MARCHF1: variants seen among roughly 807,000 people sequenced by gnomAD.
The protein encoded by MARCHF1 is membrane associated ring-CH-type finger 1.
Under a neutral mutation model 54.2 loss-of-function variants are expected in MARCHF1, and 40 were observed. The observed-to-expected ratio is 0.74, with a 90% CI of 0.57 to 0.96. The LOEUF (loss-of-function observed/expected upper bound fraction) is 0.96, where lower values mean the gene tolerates loss of function less well. Ranked by LOEUF, MARCHF1 falls within the 40% of genes least tolerant of loss-of-function variation. The pLI is 0.00. For synonymous variants in MARCHF1, 236 were observed against 236.3 expected (o/e 1.00, Z 0.01); for missense variants, 586 against 656.5 (o/e 0.89, Z 1.17).
intron 1 of MARCHF1, among the ~76,000 whole-genome samples, chr4:164,136,326 GTTTCAC>G (rs1388497748): frequency 6.7e-6 from 1 of 148,818 alleles, no homozygotes; most frequent in Non-Finnish European, 1.5e-5. Flanking sequence ...AAGAAAAACA[GTTTCAC>G]TTTACTTGCA....
intron 7 of MARCHF1, among the ~76,000 whole-genome samples, chr4:163,601,633 A>G (rs1013926651): frequency 2.6e-5 from 4 of 152,082 alleles, no homozygotes; most frequent in Non-Finnish European, 5.9e-5. Context: ...ATATAGCACA[A>G]TATAGCCTCA....
At chr4:163,795,937 A>G (rs1399610556) in intron 4 of MARCHF1, among the ~76,000 whole-genome samples, 2 of 152,220 alleles carry the variant, frequency 1.3e-5, no homozygotes, top group African/African-American at 4.8e-5. Flanking sequence ...AAGCTAGAGA[A>G]AATAAAATGT....
At chr4:163,816,407 A>G (rs1353215) in intron 4 of MARCHF1, among the ~76,000 whole-genome samples, 139,494 of 151,292 alleles carry the variant, frequency 0.92, 65,138 homozygotes, top group South Asian at 1. Flanking sequence ...ATAGTATTCA[A>G]GTTCAACTAA....
intron 4 of MARCHF1, among the ~76,000 whole-genome samples, chr4:163,772,864 G>T (rs1747200145): frequency 6.6e-6 from 1 of 152,082 alleles, no homozygotes. Flanking sequence ...TCTGCCTGCT[G>T]CACATTGCCA....
chr4:164,325,158 A>G (rs1053928928), intron 1 of MARCHF1, among the ~76,000 whole-genome samples: 20 of 151,792 alleles, frequency 1.3e-4, no homozygotes, highest in African/African-American at 4.6e-4. Context: ...TGTGCATACT[A>G]TATGTATAGG....
intron 3 of MARCHF1, among the ~76,000 whole-genome samples, chr4:163,906,970 A>G (rs1416736518): frequency 1.3e-5 from 2 of 152,108 alleles, no homozygotes; most frequent in Admixed American, 6.6e-5. Context: ...ATATATTACC[A>G]TTAATTGTGT....
At chr4:164,338,152 T>C (rs776619775) in intron 1 of MARCHF1, among the ~76,000 whole-genome samples, 7 of 152,200 alleles carry the variant, frequency 4.6e-5, no homozygotes, top group Non-Finnish European at 8.8e-5. Flanking sequence ...TGCAGTTTCA[T>C]ATGCAATTAA....
intron 4 of MARCHF1, among the ~76,000 whole-genome samples, chr4:163,784,586 G>A (rs1747563150): frequency 6.6e-6 from 1 of 151,978 alleles, no homozygotes; most frequent in Non-Finnish European, 1.5e-5. Flanking sequence ...TTTAGCAGTA[G>A]ATCTGTTTCT....
At position 164,073,454 on chromosome 4, in the gene MARCHF1, T is replaced by C. The variant is rs186775065; in HGVS notation, c.-248+38134A>G. On this transcript the variant is annotated intron_variant, in intron 2 of 9. Coordinates refer to ENST00000514618, the MANE Select transcript of MARCHF1 (RefSeq NM_001394959.1). Reference sequence around the variant, plus strand: ...AAGTGAGAGGTGAACAAAGAGAACATATGGACACACGGAGGGGAACATCAC... The same window carrying C: ...AAGTGAGAGGTGAACAAAGAGAACACATGGACACACGGAGGGGAACATCAC... 5.2e-3 allele frequency among the ~76,000 whole-genome samples: 791 copies of C among 151,826 alleles called. 6 individuals carry two copies. The highest frequency in any genetic ancestry group is 0.018 in the African/African-American group (753 of 41,348).
At chr4:164,377,208 AC>A (rs377425495) in intron 1 of MARCHF1, among the ~76,000 whole-genome samples, 91 of 152,212 alleles carry the variant, frequency 6.0e-4, no homozygotes, top group Middle Eastern at 3.4e-3. Context: ...GGCAGACTTA[AC>A]AAAAATTCTA....
At chr4:163,533,523 G>A (rs1579036614) in intron 9 of MARCHF1, among the ~76,000 whole-genome samples, 1 of 151,704 alleles carries the variant, frequency 6.6e-6, no homozygotes, top group African/African-American at 2.4e-5. Context: ...AAGAATATTG[G>A]CTCCTCAGTG....
chr4:163,879,804 CGTGT>C (rs60539215), intron 3 of MARCHF1, among the ~76,000 whole-genome samples: 58 of 148,492 alleles, frequency 3.9e-4, no homozygotes, highest in African/African-American at 1.2e-3. Context: ...GATTTAGAGG[CGTGT>C]GTGTGTGTGT....
In MARCHF1 at chr4:163,640,410, A is replaced by C. The variant is rs1402428890; in HGVS notation, c.163-27017T>G. Among the ~76,000 whole-genome samples, 3 of 152,258 alleles carry C rather than the reference A, an allele frequency of 2.0e-5. No individual in the cohort carries two copies. The East Asian group carries it at 5.8e-4, about 29-fold the overall frequency. On this transcript the variant is annotated intron_variant, in intron 5 of 9. Coordinates refer to ENST00000514618, the MANE Select transcript of MARCHF1 (RefSeq NM_001394959.1). ...TCTTATGCATAGTGAAGATTCTATC[A>C]AAAATGTGAGGTGGCAAACAATGAT...
intron 4 of MARCHF1, among the ~76,000 whole-genome samples, chr4:163,755,388 A>G (rs2110798851): frequency 6.6e-6 from 1 of 152,328 alleles, no homozygotes; most frequent in African/African-American, 2.4e-5. Flanking sequence ...GATTTCTCAT[A>G]GCAGGTAAAG....
At chr4:163,548,967 C>T (rs1408649883) in intron 8 of MARCHF1, among the ~76,000 whole-genome samples, 1 of 152,234 alleles carries the variant, frequency 6.6e-6, no homozygotes, top group African/African-American at 2.4e-5. Context: ...TGAAACTTTT[C>T]ATAGCATTTC....
chr4:164,163,333 T>C (rs187048014), intron 1 of MARCHF1, among the ~76,000 whole-genome samples: 30 of 151,952 alleles, frequency 2.0e-4, no homozygotes, highest in African/African-American at 6.3e-4. Flanking sequence ...TACAAAATAA[T>C]TGGAGATAAA....
At chr4:163,719,042 T>G (rs1745354716) in intron 4 of MARCHF1, among the ~76,000 whole-genome samples, 1 of 152,156 alleles carries the variant, frequency 6.6e-6, no homozygotes, top group African/African-American at 2.4e-5. Flanking sequence ...TCTTTTTTAT[T>G]TATTATACTT....
chr4:163,997,314 C>T (rs139483346), intron 2 of MARCHF1, among the ~76,000 whole-genome samples: 2 of 151,998 alleles, frequency 1.3e-5, no homozygotes, highest in Non-Finnish European at 2.9e-5. Flanking sequence ...TGATCAAAGG[C>T]AAATGGTAAT....
chr4:164,199,631 G>GTCTCTCTC lies in MARCHF1; in HGVS notation c.-322-87970_-322-87969insGAGAGAGA, dbSNP rs1452646305. Among the ~76,000 whole-genome samples, 944 of 97,582 alleles carry GTCTCTCTC rather than the reference G, an allele frequency of 9.7e-3. 9 individuals are homozygous for GTCTCTCTC. Among genetic ancestry groups the GTCTCTCTC allele is most frequent in the African/African-American group, 0.04 (913 of 22,728 alleles). The allele number at this position is 97,582 out of a possible 152,430, so 64.0% of individuals were successfully genotyped here. A position where few individuals can be genotyped will look rare whatever the true frequency, so the allele number is the denominator to read the frequency against. ...AGCCTGGGTGACAGAGCAGGACTCT[G>GTCTCTCTC]TCACACACACACACACACACACACA... is the stretch of plus-strand genomic sequence containing the variant. On this transcript the variant is annotated intron_variant, in intron 1 of 9. Transcript: ENST00000514618.
Sources: allele counts gnomAD v4.1 joint callset (sites outside exome capture counted in the v4.1 genomes callset), GRCh38; gene constraint gnomAD v4.1.1; transcripts MANE v1.5; gene names NCBI Gene and HGNC (gene_info 2026-07-23, HGNC 2026-07-21).